The following CYRIB variants were observed in gnomAD, a reference collection of about 807,000 sequenced individuals.
CYRIB encodes CYFIP related Rac1 interactor B.
CYRIB carries 8 observed loss-of-function variants against 44.2 expected under a neutral mutation model. That is an observed-to-expected ratio of 0.18 (90% CI 0.11 to 0.33). The LOEUF is 0.33. Ranked by LOEUF, CYRIB falls within the 10% of genes least tolerant of loss-of-function variation. The pLI, the probability that CYRIB is intolerant of heterozygous loss-of-function variation, is 1.00. For missense variants in CYRIB, 185 were observed against 382.8 expected, an observed-to-expected ratio of 0.48 and a Z score of 4.31; for synonymous variants, 131 against 127.2, an observed-to-expected ratio of 1.03 and a Z score of -0.20.
At chr8:129,980,286 T>C (rs1187126661) in intron 1 of CYRIB, among the ~76,000 whole-genome samples, 1 of 151,734 alleles carries the variant, frequency 6.6e-6, no homozygotes, top group African/African-American at 2.4e-5. Context: ...CTTGCAGCTC[T>C]ATGTCCAAGT....
intron 1 of CYRIB, among the ~76,000 whole-genome samples, chr8:129,906,365 T>A (rs2075377101): frequency 6.6e-6 from 1 of 152,214 alleles, no homozygotes; most frequent in Non-Finnish European, 1.5e-5. Context: ...GATTCCCTAT[T>A]CAACAAATGG....
At position 129,855,592 on chromosome 8, in the gene CYRIB, G is replaced by A; in HGVS notation, c.438+19C>T. 6.2e-7 allele frequency: 1 copy of A among 1,613,360 alleles called. No individual in the cohort carries two copies. Among genetic ancestry groups the A allele is most frequent in the Non-Finnish European group, 8.5e-7 (1 of 1,179,626 alleles). On this transcript the variant is annotated intron_variant, in intron 6 of 11. Coordinates refer to ENST00000519824, the Ensembl canonical transcript of CYRIB. ...GATTCATGATTTTCGTAACAATCAG[G>A]GCCAATAGATAATTCTACCTTGAGT...
intron 2 of CYRIB, chr8:129,896,965 T>C (rs1363474308): frequency 6.6e-6 from 1 of 152,232 alleles, no homozygotes; most frequent in Non-Finnish European, 1.5e-5. Flanking sequence ...TTGTTCTGCT[T>C]TCTCTCATAA....
At chr8:129,907,612 T>TG (rs2076103820) in intron 1 of CYRIB, among the ~76,000 whole-genome samples, 1 of 151,788 alleles carries the variant, frequency 6.6e-6, no homozygotes, top group Non-Finnish European at 1.5e-5. Context: ...TATATATATA[T>TG]GAAAAAAAAA....
Position 129,873,827 on chromosome 8 carries a change from AGAG to A in CYRIB, c.74-2334_74-2332del, listed in dbSNP as rs561594565. ...AATAAGTACCAAGAAATTTAAAAAT[AGAG>A]GAGAAGATTTAAGTTTCCCTTTAGG... On this transcript the variant is annotated intron_variant, in intron 3 of 11. Coordinates refer to ENST00000519824, the Ensembl canonical transcript of CYRIB. 1.5e-4 allele frequency among the ~76,000 whole-genome samples: 23 copies of A among 152,204 alleles called. No individual in the cohort carries two copies. In the East Asian group the frequency reaches 3.9e-3, roughly 26 times the overall value.
In CYRIB at chr8:129,898,444, T is replaced by G. The variant is rs1203498620; in HGVS notation, c.-11+4868A>C. Reference sequence around the variant, plus strand: ...GCAGAAGCTAAAAGTAAAATAAATTTAAAAAAGAAAAATGTATGCTTATTA... The same window carrying G: ...GCAGAAGCTAAAAGTAAAATAAATTGAAAAAAGAAAAATGTATGCTTATTA... On this transcript the variant is annotated intron_variant, in intron 2 of 11. Coordinates refer to ENST00000519824, the Ensembl canonical transcript of CYRIB. 2.0e-5 allele frequency among the ~76,000 whole-genome samples: 3 copies of G among 152,274 alleles called. No individual in the cohort carries two copies. The East Asian group carries it at 5.8e-4, about 29-fold the overall frequency.
At chr8:129,915,835 A>G (rs1185062703) in intron 1 of CYRIB, among the ~76,000 whole-genome samples, 1 of 152,208 alleles carries the variant, frequency 6.6e-6, no homozygotes, top group Non-Finnish European at 1.5e-5. Flanking sequence ...TTTACTCTGT[A>G]ATCTAGAGGA....
intron 1 of CYRIB, among the ~76,000 whole-genome samples, chr8:129,991,945 A>AG (rs2096643952): frequency 8.9e-6 from 1 of 112,570 alleles, no homozygotes; most frequent in African/African-American, 3.2e-5. Flanking sequence ...CAGAGTCGCA[A>AG]AAAAAAAAAA....
At chr8:129,978,143 T>C (rs1564566144) in intron 1 of CYRIB, among the ~76,000 whole-genome samples, 1 of 152,096 alleles carries the variant, frequency 6.6e-6, no homozygotes, top group Non-Finnish European at 1.5e-5. Context: ...AATCTTGCAC[T>C]CCTGGCCTTA....
chr8:129,905,411 G>T (rs1294509953), intron 1 of CYRIB, among the ~76,000 whole-genome samples: 1 of 152,140 alleles, frequency 6.6e-6, no homozygotes, highest in East Asian at 1.9e-4. Context: ...TAGAGACGGG[G>T]TTTCACCATG....
intron 2 of CYRIB, among the ~76,000 whole-genome samples, chr8:129,958,473 CA>C (rs1554710674): frequency 6.6e-6 from 1 of 151,886 alleles, no homozygotes; most frequent in Non-Finnish European, 1.5e-5. Context: ...AACTCTTTAC[CA>C]AAAAAACTGT....
chr8:130,010,978 G>A (rs1262862201), intron 1 of CYRIB, among the ~76,000 whole-genome samples: 1 of 152,058 alleles, frequency 6.6e-6, no homozygotes, highest in East Asian at 1.9e-4. Flanking sequence ...ACTCAAGTTT[G>A]GAAAGTTCTC....
chr8:129,860,425 G>T (rs2048758770), intron 5 of CYRIB, among the ~76,000 whole-genome samples: 1 of 152,152 alleles, frequency 6.6e-6, no homozygotes, highest in Admixed American at 6.5e-5. Context: ...GGGTTATAAA[G>T]TGCAAAGCTA....
chr8:129,875,514 T>C (rs997831023), intron 3 of CYRIB, among the ~76,000 whole-genome samples: 1 of 152,188 alleles, frequency 6.6e-6, no homozygotes, highest in African/African-American at 2.4e-5. Context: ...CCTAGCTCGA[T>C]TGAGTGCTTT....
chr8:129,858,891 A>C (rs1254937906), intron 5 of CYRIB, among the ~76,000 whole-genome samples: 3 of 152,190 alleles, frequency 2.0e-5, no homozygotes, highest in African/African-American at 7.2e-5. Context: ...AGTACAGAAC[A>C]AGCAAGTATG....
At chr8:130,006,252 G>A (rs563683054) in intron 1 of CYRIB, among the ~76,000 whole-genome samples, 5 of 151,934 alleles carry the variant, frequency 3.3e-5, no homozygotes, top group East Asian at 3.9e-4. Context: ...GCAGTGAGCC[G>A]AGATCACGCC....
At chr8:129,869,988 G>A (rs1275950882) in intron 4 of CYRIB, among the ~76,000 whole-genome samples, 1 of 151,686 alleles carries the variant, frequency 6.6e-6, no homozygotes, top group African/African-American at 2.4e-5. Flanking sequence ...TGGGGGGAGG[G>A]GGGGCGTTGA....
chr8:129,913,295 C>T (rs1179562687), intron 1 of CYRIB, among the ~76,000 whole-genome samples: 1 of 152,166 alleles, frequency 6.6e-6, no homozygotes, highest in Non-Finnish European at 1.5e-5. Context: ...ATCATGCCTA[C>T]ATAAGCAGAA....
At chr8:129,923,704 T>C (rs2085350753) in intron 1 of CYRIB, among the ~76,000 whole-genome samples, 1 of 152,048 alleles carries the variant, frequency 6.6e-6, no homozygotes, top group African/African-American at 2.4e-5. Flanking sequence ...AGATTAAACA[T>C]TTCTTACATC....
Sources: gnomAD v4.1 joint callset for allele counts (sites outside exome capture counted in the v4.1 genomes callset) on GRCh38, gnomAD v4.1.1 for gene constraint, MANE v1.5 for transcripts, NCBI Gene and HGNC (gene_info 2026-07-23, HGNC 2026-07-21) for gene names.